Variants in DHX57 observed in about 807,000 individuals in gnomAD.
DHX57 encodes putative ATP-dependent RNA helicase DHX57.
A neutral mutation model predicts 156.2 loss-of-function variants in DHX57; 105 were observed. That is an observed-to-expected ratio of 0.67 (90% CI 0.57 to 0.79). The LOEUF (loss-of-function observed/expected upper bound fraction) is 0.79. DHX57 is among the 30% of genes least tolerant of loss of function. DHX57 has a pLI of 0.00. For synonymous variants in DHX57, 704 were observed against 595.6 expected (o/e 1.18, Z -2.65); for missense variants, 1,847 against 1,661.9 (o/e 1.11, Z -1.94).
chr2:38,798,663 G>A (rs1050841697), intron 23 of DHX57, among the ~76,000 whole-genome samples: 1 of 152,178 alleles, frequency 6.6e-6, no homozygotes, highest in Non-Finnish European at 1.5e-5. Context: ...GAAAAGATTC[G>A]GGCCAGGCGC....
rs748808123 is a variant in DHX57, at chr2:38,856,470, A to G, written c.1588-9T>C. On this transcript the variant is annotated splice_polypyrimidine_tract_variant and intron_variant, in intron 6 of 23. Transcript: ENST00000457308. ...TGGAACTGTCTGGAAGCCTAATAAA[A>G]TCAAAGATAAGATATCAGTTGGGTT... The G allele has an allele frequency of 1.9e-6, 3 of 1,585,328 alleles. No individual in the cohort carries two copies. The highest frequency in any genetic ancestry group is 2.6e-6 in the Non-Finnish European group (3 of 1,172,832).
In DHX57 at chr2:38,862,133, C is replaced by G. The variant is rs1486785083; in HGVS notation, c.572+12G>C. On this transcript the variant is annotated intron_variant, in intron 4 of 23. Coordinates refer to ENST00000457308, the MANE Select transcript of DHX57 (RefSeq NM_198963.3). ...TTCTTTCCCAACTCCCATAAATGAT[C>G]AAAGCAATCACCTGGAAAGTTTTTG... 7.0e-6 allele frequency: 11 copies of G among 1,581,012 alleles called. No homozygotes were observed. Among genetic ancestry groups the G allele is most frequent in the Non-Finnish European group, 9.5e-6 (11 of 1,160,868 alleles).
chr2:38,861,121 T>C lies in DHX57; in HGVS notation c.1289A>G (p.His430Arg), dbSNP rs774254483. 5.6e-6 allele frequency: 9 copies of C among 1,614,074 alleles called. No homozygotes were observed. The Admixed American group carries it at 1.0e-4, about 18-fold the overall frequency. ...EIVKLLTNTHHKYSDPPVNFL... is the reference protein window; with the variant it reads ...EIVKLLTNTHRKYSDPPVNFL... Reference sequence around the variant, plus strand: ...GTTCACAGGAGGGTCACTATACTTGTGGTGGGTATTCGTTAGTAACTTGAC... The same window carrying C: ...GTTCACAGGAGGGTCACTATACTTGCGGTGGGTATTCGTTAGTAACTTGAC... The change falls in exon 5 of 24, where the codon CAC (histidine) becomes CGC (arginine). Residue 430 changes from histidine (H) to arginine (R), a missense_variant. His to Arg is a conservative substitution (Grantham distance 29). Transcript: ENST00000457308.
At chr2:38,832,981 C>CTTTTTT (rs773309488) in intron 13 of DHX57, among the ~76,000 whole-genome samples, 39 of 99,560 alleles carry the variant, frequency 3.9e-4, no homozygotes, top group East Asian at 8.6e-4. Flanking sequence ...AATGTCTATT[C>CTTTTTT]TTTTTTTTTT....
At chr2:38,868,040 A>G in intron 2 of DHX57, 142 bp downstream of exon 2, 1 of 1,043,970 alleles carries the variant, frequency 9.6e-7, no homozygotes, top group Admixed American at 2.5e-5. Context: ...ATTTCCCATC[A>G]TGTCTTCAGA....
Position 38,825,963 on chromosome 2 carries a change from G to A in DHX57, c.2898C>T (p.Gly966=), listed in dbSNP as rs1354024902. 9 of 1,614,194 alleles carry A rather than the reference G, an allele frequency of 5.6e-6. No homozygotes were observed. The East Asian group carries it at 1.8e-4, about 32-fold the overall frequency. Residue 966 remains glycine (G), a synonymous_variant, in exon 16 of 24, where the codon GGC becomes GGT. Coordinates refer to ENST00000457308, the MANE Select transcript of DHX57 (RefSeq NM_198963.3). ...GGAAGCAGACCCCAGATGCAACACG[G>A]CCTGCTCGGCCTTTCCTTTGTAGAG... ...ANALQRKGRA[G]RVASGVCFHL...
At chr2:38,824,823 T>A (rs990931828) in intron 16 of DHX57, among the ~76,000 whole-genome samples, 31 of 152,038 alleles carry the variant, frequency 2.0e-4, no homozygotes, top group African/African-American at 7.2e-4. Flanking sequence ...AATTTTATAT[T>A]TTTTTAGTAG....
intron 13 of DHX57, among the ~76,000 whole-genome samples, chr2:38,836,776 A>C (rs1217028466): frequency 8.1e-6 from 1 of 123,850 alleles, no homozygotes; most frequent in African/African-American, 3.0e-5. Flanking sequence ...ACCCTGTCTC[A>C]AAAAAAAAAA....
chr2:38,828,520 T>C (rs540769030), intron 13 of DHX57, 84 bp from the exon 14 acceptor site: 43 of 847,870 alleles, frequency 5.1e-5, no homozygotes, highest in East Asian at 4.1e-4. Flanking sequence ...AAGAATATGA[T>C]AAATGAAGTA....
rs1665176280 is a variant in DHX57, at chr2:38,868,197, G to A, written c.209C>T (p.Ser70Leu). ...DGDDFCIFSESRRPSRPSNSN... is the reference protein window; with the variant it reads ...DGDDFCIFSELRRPSRPSNSN... ...TTATAATGACCTGGAAGGGCGCCTTGATTCACTGAAGATACAAAAGTCATC... is the reference window on the plus strand; with the variant it reads ...TTATAATGACCTGGAAGGGCGCCTTAATTCACTGAAGATACAAAAGTCATC... Residue 70 changes from serine to leucine, a missense_variant, in exon 2 of 24, where the codon TCA becomes TTA. By Grantham distance (145) the Ser-to-Leu change is moderately radical. Transcript: ENST00000457308. 1 of 1,613,930 alleles carries A rather than the reference G, an allele frequency of 6.2e-7. No homozygotes were observed. Among genetic ancestry groups the A allele is most frequent in the South Asian group, 1.1e-5 (1 of 91,074 alleles).
chr2:38,807,944 C>T (rs759437418), intron 21 of DHX57, among the ~76,000 whole-genome samples: 1 of 111,002 alleles, frequency 9.0e-6, no homozygotes, highest in African/African-American at 3.3e-5. Context: ...CTGTGTCTTG[C>T]CTTTTTTTTT....
chr2:38,845,507 T>C (rs1481623625), intron 11 of DHX57, among the ~76,000 whole-genome samples: 1 of 152,178 alleles, frequency 6.6e-6, no homozygotes, highest in East Asian at 1.9e-4. Flanking sequence ...AAATTCTGAC[T>C]TGTATTTAAG....
intron 1 of DHX57, among the ~76,000 whole-genome samples, chr2:38,871,097 A>G (rs1045503973): frequency 6.6e-6 from 1 of 152,176 alleles, no homozygotes; most frequent in African/African-American, 2.4e-5. Context: ...TACATGAAAA[A>G]ACAAAGAGTA....
At chr2:38,812,103 A>G (rs1462836163) in intron 21 of DHX57, among the ~76,000 whole-genome samples, 2 of 152,170 alleles carry the variant, frequency 1.3e-5, no homozygotes, top group African/African-American at 4.8e-5. Flanking sequence ...AAATAATTAT[A>G]GACTCACAGG....
At chr2:38,842,829 C>T (rs1334184030) in intron 12 of DHX57, among the ~76,000 whole-genome samples, 176 bp downstream of exon 12, 1 of 151,898 alleles carries the variant, frequency 6.6e-6, no homozygotes, top group African/African-American at 2.4e-5. Context: ...AATATAGTAA[C>T]AATTGTATTC....
chr2:38,873,908 G>A (rs1665469647), intron 1 of DHX57, among the ~76,000 whole-genome samples: 1 of 152,102 alleles, frequency 6.6e-6, no homozygotes, highest in African/African-American at 2.4e-5. Flanking sequence ...GGAAGAAATT[G>A]ACAGAATGAG....
intron 19 of DHX57, among the ~76,000 whole-genome samples, chr2:38,817,291 T>G (rs1670594903): frequency 6.6e-6 from 1 of 152,140 alleles, no homozygotes; most frequent in Non-Finnish European, 1.5e-5. Context: ...TTTTGGCTTC[T>G]CATACCACTT....
chr2:38,810,514 C>G (rs552752008), intron 21 of DHX57: 1 of 556,854 alleles, frequency 1.8e-6, no homozygotes, highest in Non-Finnish European at 3.5e-6. Context: ...CTGGTGTCAC[C>G]GACTGGCTGG....
chr2:38,823,738 G>A (rs1340830901), intron 16 of DHX57, among the ~76,000 whole-genome samples: 4 of 152,182 alleles, frequency 2.6e-5, no homozygotes, highest in Non-Finnish European at 4.4e-5. Flanking sequence ...GAGGCCACGC[G>A]CAGTGGCTCA....
Sources: gnomAD v4.1 joint callset for allele counts (sites outside exome capture counted in the v4.1 genomes callset) on GRCh38, gnomAD v4.1.1 for gene constraint, MANE v1.5 for transcripts, NCBI Gene and HGNC (gene_info 2026-07-23, HGNC 2026-07-21) for gene names.